CCDC27: variants seen among roughly 807,000 people sequenced by gnomAD.
The protein encoded by CCDC27 is coiled-coil domain containing 27.
CCDC27 carries 80 observed loss-of-function variants against 80.3 expected under a neutral mutation model. That is an observed-to-expected ratio of 1.00 (90% confidence interval 0.83 to 1.20). CCDC27 has a LOEUF of 1.20. CCDC27 is among the 50% of genes most tolerant of loss of function. The pLI, the probability that CCDC27 is intolerant of heterozygous loss-of-function variation, is 0.00. For missense variants in CCDC27, 815 were observed against 809.4 expected (o/e 1.01, Z -0.08); for synonymous variants, 342 against 334.3 (o/e 1.02, Z -0.25).
intron 8 of CCDC27, among the ~76,000 whole-genome samples, chr1:3,764,871 A>G (rs1220037028): frequency 2.0e-5 from 3 of 152,064 alleles, no homozygotes; most frequent in Non-Finnish European, 4.4e-5. Flanking sequence ...CCCCAGCTCT[A>G]CTAAAAATAC....
At chr1:3,759,142 A>G (rs1643029873) in intron 4 of CCDC27, among the ~76,000 whole-genome samples, 1 of 152,006 alleles carries the variant, frequency 6.6e-6, no homozygotes, top group Non-Finnish European at 1.5e-5. Flanking sequence ...ACTTGAATCC[A>G]GGAGGCGGAG....
In CCDC27 at chr1:3,771,461, C is replaced by A. The variant is rs1267528465; in HGVS notation, c.1909C>A (p.Pro637Thr). ...GCTGAAGCAGAAAGGCGTCAAAGTG[C>A]CCCCCCTGCAACAGTCAGAGGCCTT... ...NQLKQKGVKV[P>T]PLQQSEAFLT... The change falls in exon 12 of 12, where the codon CCC becomes ACC. Residue 637 changes from proline (P) to threonine (T), a missense_variant. Pro to Thr is a conservative substitution (Grantham distance 38, BLOSUM62 -1). Coordinates refer to ENST00000294600, the MANE Select transcript of CCDC27 (RefSeq NM_152492.3). 6.2e-7 allele frequency: 1 copy of A among 1,613,318 alleles called. No homozygotes were observed. The highest frequency in any genetic ancestry group is 2.2e-5 in the East Asian group (1 of 44,878).
intron 1 of CCDC27, among the ~76,000 whole-genome samples, chr1:3,753,051 T>G (rs1158863162): frequency 6.6e-6 from 1 of 152,154 alleles, no homozygotes; most frequent in Non-Finnish European, 1.5e-5. Context: ...GTTAGCTGCT[T>G]TGGGTTGGTC....
rs752520753 is a variant in CCDC27 at position 3,771,462 on chromosome 1, C to G, written c.1910C>G (p.Pro637Arg). ...NQLKQKGVKV[P>R]PLQQSEAFLT... is the part of the protein sequence containing the mutation. ...CTGAAGCAGAAAGGCGTCAAAGTGC[C>G]CCCCCTGCAACAGTCAGAGGCCTTC... The change falls in exon 12 of 12, where the codon CCC becomes CGC. Residue 637 changes from proline to arginine, a missense_variant. Coordinates refer to ENST00000294600, the MANE Select transcript of CCDC27 (RefSeq NM_152492.3). The G allele has an allele frequency of 4.3e-6, 7 of 1,614,014 alleles. No individual in the cohort carries two copies. Among genetic ancestry groups the G allele is most frequent in the Non-Finnish European group, 4.2e-6 (5 of 1,179,970 alleles).
intron 1 of CCDC27, 26 bp downstream of exon 1, chr1:3,752,825 C>T: frequency 6.2e-7 from 1 of 1,600,484 alleles, no homozygotes; most frequent in Non-Finnish European, 8.5e-7. Context: ...AGGAGGGCTG[C>T]CACGAGCCTT....
intron 3 of CCDC27, chr1:3,755,873 C>A: frequency 3.1e-6 from 1 of 324,270 alleles, no homozygotes; most frequent in Non-Finnish European, 5.9e-6. Flanking sequence ...TGGGTAGAGA[C>A]CCCCCGGGAC....
chr1:3,765,457 G>A (rs139129743), intron 8 of CCDC27, among the ~76,000 whole-genome samples: 25 of 152,124 alleles, frequency 1.6e-4, no homozygotes, highest in Middle Eastern at 3.4e-3. Flanking sequence ...CTCCTGTCCC[G>A]CTCTTGTTTT....
rs559592456 is a variant in CCDC27 at position 3,769,758 on chromosome 1, G to C, written c.1744-25G>C. On this transcript the variant is annotated intron_variant, in intron 10 of 11. Transcript: ENST00000294600. This position sits in a 1 kb window ranked among gnomAD's most constrained non-coding sequence, Gnocchi z 4.6. ...GGTGCCTTCTTGGGTAAAGGCGAATGATAGTGTTGTCCCTTTGCTCACAGC... is the reference window on the plus strand; with the variant it reads ...GGTGCCTTCTTGGGTAAAGGCGAATCATAGTGTTGTCCCTTTGCTCACAGC... The C allele has an allele frequency of 3.2e-6, 5 of 1,570,430 alleles. No individual in the cohort carries two copies. In the South Asian group the frequency reaches 5.5e-5, roughly 17 times the overall value.
rs774670974 is a variant in CCDC27 at position 3,769,865 on chromosome 1, A to G, written c.1826A>G (p.Asn609Ser). The G allele has an allele frequency of 6.2e-7, 1 of 1,613,828 alleles. No individual in the cohort carries two copies. Among genetic ancestry groups the G allele is most frequent in the Non-Finnish European group, 8.5e-7 (1 of 1,179,856 alleles). The change falls in exon 11 of 12, where the codon AAT (asparagine) becomes AGT (serine). Residue 609 changes from asparagine to serine, a missense_variant. Coordinates refer to ENST00000294600, the MANE Select transcript of CCDC27 (RefSeq NM_152492.3). The surrounding 1 kb of genome is among the most constrained non-coding windows in gnomAD (Gnocchi z 4.6). ...TKSLANEISD[N>S]DILEALQRII... ...TCCTTGGCCAACGAGATCTCTGACA[A>G]TGACATCCTGGAAGCCCTGCAGGTA...
In CCDC27 at chr1:3,769,745, G is replaced by T. The variant is rs1480293509; in HGVS notation, c.1744-38G>T. The T allele has an allele frequency of 3.3e-6, 5 of 1,501,720 alleles. No homozygotes were observed. Among genetic ancestry groups the T allele is most frequent in the Non-Finnish European group, 4.6e-6 (5 of 1,077,712 alleles). 93.0% of individuals were successfully genotyped at this position (1,501,720 alleles called of 1,614,324 possible). A position where few individuals can be genotyped will look rare whatever the true frequency, so the allele number is the denominator to read the frequency against. On this transcript the variant is annotated intron_variant, in intron 10 of 11. Coordinates refer to ENST00000294600, the MANE Select transcript of CCDC27 (RefSeq NM_152492.3). This position sits in a 1 kb window ranked among gnomAD's most constrained non-coding sequence, Gnocchi z 4.6. The stretch of plus-strand genomic sequence containing the variant: ...AGCCCACTGGCCAGGTGCCTTCTTG[G>T]GTAAAGGCGAATGATAGTGTTGTCC...
At chr1:3,770,257 G>GC (rs1643329047) in intron 11 of CCDC27, among the ~76,000 whole-genome samples, 1 of 152,182 alleles carries the variant, frequency 6.6e-6, no homozygotes, top group South Asian at 2.1e-4. Context: ...GGTCCCCTCC[G>GC]CTGGTATCAC....
chr1:3,769,888 G>T lies in CCDC27; in HGVS notation c.1848+1G>T, dbSNP rs755824026. ...CAATGACATCCTGGAAGCCCTGCAG[G>T]TATACCCCTAAGCTCAGCTGCCTCT... is the stretch of plus-strand genomic sequence containing the variant. On this transcript the variant is annotated splice_donor_variant, in intron 11 of 11. Transcript: ENST00000294600. LOFTEE classifies it high-confidence loss of function. The surrounding 1 kb of genome is among the most constrained non-coding windows in gnomAD (Gnocchi z 4.6). 2 of 1,611,464 alleles carry T rather than the reference G, an allele frequency of 1.2e-6. No homozygotes were observed. The highest frequency in any genetic ancestry group is 1.7e-5 in the Admixed American group (1 of 60,010).
In CCDC27 at chr1:3,767,871, C is replaced by G. The variant is rs148078863; in HGVS notation, c.1743+426C>G. ...TATCAAAGTCATGTAGCTCCTTTAA[C>G]CAGACTGCGAAGTAGTTATCATGAT... On this transcript the variant is annotated intron_variant, in intron 10 of 11. Coordinates refer to ENST00000294600, the MANE Select transcript of CCDC27 (RefSeq NM_152492.3). 3.9e-3 allele frequency among the ~76,000 whole-genome samples: 601 copies of G among 152,306 alleles called. 5 individuals carry two copies. Among genetic ancestry groups the G allele is most frequent in the African/African-American group, 0.014 (578 of 41,556 alleles).
chr1:3,764,842 C>T (rs1222712845), intron 8 of CCDC27, among the ~76,000 whole-genome samples: 1 of 152,040 alleles, frequency 6.6e-6, no homozygotes, highest in Non-Finnish European at 1.5e-5. Flanking sequence ...TCAAGACCCG[C>T]CTGACCAATA....
At chr1:3,755,377 G>A in intron 2 of CCDC27, 80 bp from the exon 3 acceptor site, 1 of 1,216,908 alleles carries the variant, frequency 8.2e-7, no homozygotes, top group Non-Finnish European at 1.2e-6. Context: ...GGTGTTTAAG[G>A]ATAAATAAGA....
At position 3,762,606 on chromosome 1, in the gene CCDC27, C is replaced by CG; in HGVS notation, c.862-11dup. ...AGGGGCTGGAAAGCTGAGGGTCCCA[C>CG]GGGCGTCTTGCAGGAGCAGCTCTCA... is the stretch of plus-strand genomic sequence containing the variant. On this transcript the variant is annotated splice_polypyrimidine_tract_variant and intron_variant, in intron 5 of 11. Transcript: ENST00000294600. 6.5e-7 allele frequency: 1 copy of CG among 1,549,166 alleles called. No homozygotes were observed. Among genetic ancestry groups the CG allele is most frequent in the Non-Finnish European group, 8.7e-7 (1 of 1,145,412 alleles).
At chr1:3,771,297 G>A (rs1004489578) in intron 11 of CCDC27, 104 bp from the exon 12 acceptor site, 67 of 1,431,872 alleles carry the variant, frequency 4.7e-5, no homozygotes, top group Non-Finnish European at 6.1e-5. Flanking sequence ...GGAGGAGGAG[G>A]AGAGGGTGGC....
Position 3,769,087 on chromosome 1 carries a change from G to A in CCDC27, c.1744-696G>A, listed in dbSNP as rs377294905. The stretch of plus-strand genomic sequence containing the variant: ...GTCAGGGTTTCTGGACGAGGAACTC[G>A]TGCTGAGCGTGCCGCATAACTCAAG... On this transcript the variant is annotated intron_variant, in intron 10 of 11. Coordinates refer to ENST00000294600, the MANE Select transcript of CCDC27 (RefSeq NM_152492.3). This position sits in a 1 kb window ranked among gnomAD's most constrained non-coding sequence, Gnocchi z 4.6. 3.9e-5 allele frequency among the ~76,000 whole-genome samples: 6 copies of A among 152,314 alleles called. No homozygotes were observed. The South Asian group carries it at 8.3e-4, about 21-fold the overall frequency.
rs78231122 is a variant in CCDC27, at chr1:3,761,564, G to A, written c.861+134G>A. On this transcript the variant is annotated intron_variant, in intron 5 of 11. Transcript: ENST00000294600. This position sits in a 1 kb window ranked among gnomAD's most constrained non-coding sequence, Gnocchi z 5.0. ...GATCCTATCAGGTCCTCACTGGAACGTGGACCGGTTCTCAGGGTTCTGATC... is the reference window on the plus strand; with the variant it reads ...GATCCTATCAGGTCCTCACTGGAACATGGACCGGTTCTCAGGGTTCTGATC... 10,164 of 1,025,906 alleles carry A rather than the reference G, an allele frequency of 9.9e-3. 149 individuals are homozygous for A. The highest frequency in any genetic ancestry group is 0.055 in the African/African-American group (3,387 of 61,160). The allele number at this position is 1,025,906 out of a possible 1,614,324, so 63.6% of individuals were successfully genotyped here. A position where few individuals can be genotyped will look rare whatever the true frequency, so the allele number is the denominator to read the frequency against.
Sources: allele counts gnomAD v4.1 joint callset (sites outside exome capture counted in the v4.1 genomes callset), GRCh38; gene constraint gnomAD v4.1.1; non-coding constraint Gnocchi (gnomAD v3.1); transcripts MANE v1.5; gene names NCBI Gene and HGNC (gene_info 2026-07-23, HGNC 2026-07-21).